The following RAB27A variants were observed in gnomAD, a reference collection of about 807,000 sequenced individuals.
The protein encoded by RAB27A is ras-related protein Rab-27A.
A neutral mutation model predicts 20.8 loss-of-function variants in RAB27A; 17 were observed. The ratio of observed to expected loss-of-function variants is 0.82; its 90% CI spans 0.56 to 1.23. RAB27A has a LOEUF of 1.23. Ranked by LOEUF, RAB27A falls within the 50% of genes most tolerant of loss-of-function variation. RAB27A has a pLI of 0.00. For missense variants in RAB27A, 277 were observed against 266.7 expected, an observed-to-expected ratio of 1.04 and a Z score of -0.27; for synonymous variants, 85 against 92.8, an observed-to-expected ratio of 0.92 and a Z score of 0.48.
intron 1 of RAB27A, among the ~76,000 whole-genome samples, chr15:55,288,251 T>A (rs1339796038): frequency 6.6e-6 from 1 of 152,202 alleles, no homozygotes; most frequent in Admixed American, 6.5e-5. Flanking sequence ...CTCGGTGCAG[T>A]GGCTCAAGCC....
chr15:55,286,521 T>C (rs1898159123), intron 1 of RAB27A, among the ~76,000 whole-genome samples: 1 of 152,078 alleles, frequency 6.6e-6, no homozygotes, highest in Non-Finnish European at 1.5e-5. Flanking sequence ...AAAAATGACT[T>C]TTCACCTGAA....
At chr15:55,263,441 C>A (rs1296159543) in intron 2 of RAB27A, among the ~76,000 whole-genome samples, 1 of 152,062 alleles carries the variant, frequency 6.6e-6, no homozygotes, top group Admixed American at 6.5e-5. Context: ...ATGCTTTAAA[C>A]AGAAATGGTG....
intron 2 of RAB27A, among the ~76,000 whole-genome samples, chr15:55,268,218 T>C (rs945299476): frequency 6.6e-5 from 10 of 152,136 alleles, no homozygotes; most frequent in African/African-American, 2.2e-4. Context: ...ATCAAGGCTC[T>C]TTCCCACAAT....
chr15:55,209,771 CATAT>C (rs1281820099), intron 6 of RAB27A, among the ~76,000 whole-genome samples: 1 of 112,238 alleles, frequency 8.9e-6, no homozygotes, highest in Non-Finnish European at 1.7e-5. Context: ...TGTACATATA[CATAT>C]ATACACACAT....
At chr15:55,235,401 T>A (rs987863308) in intron 2 of RAB27A, among the ~76,000 whole-genome samples, 1 of 151,970 alleles carries the variant, frequency 6.6e-6, no homozygotes, top group African/African-American at 2.4e-5. Context: ...TGAGCCAAGA[T>A]TGCGCCATTG....
chr15:55,302,288 C>T (rs146093787), intron 2 of RAB27A, among the ~76,000 whole-genome samples: 7,768 of 152,146 alleles, frequency 0.051, 270 homozygotes, highest in East Asian at 0.15. Flanking sequence ...TTGGCCGGGC[C>T]GGTCTCCAGC....
intron 2 of RAB27A, among the ~76,000 whole-genome samples, chr15:55,236,164 T>TAA (rs11312412): frequency 6.8e-6 from 1 of 146,212 alleles, no homozygotes; most frequent in Non-Finnish European, 1.5e-5. Flanking sequence ...CCTATGGAAA[T>TAA]AAAAAAAAAA....
chr15:55,253,404 G>T (rs1454076067), intron 2 of RAB27A, among the ~76,000 whole-genome samples: 1 of 151,586 alleles, frequency 6.6e-6, no homozygotes, highest in Admixed American at 6.6e-5. Flanking sequence ...CCAAGATCGT[G>T]CCACCGCACT....
chr15:55,285,402 A>G (rs182833834), intron 1 of RAB27A, among the ~76,000 whole-genome samples: 62 of 152,290 alleles, frequency 4.1e-4, no homozygotes, highest in Non-Finnish European at 7.9e-4. Context: ...TAAATAAAAT[A>G]TGAGTATTAC....
rs541617249 is a variant in RAB27A, at chr15:55,264,838, A to T, written c.-23+5327T>A. On this transcript the variant is annotated intron_variant, in intron 2 of 6. Transcript: ENST00000336787. The stretch of plus-strand genomic sequence containing the variant: ...AGCACATCAATTAAACATCTAACAA[A>T]CAAGAATTGTGGATGTGCCACTATG... Among the ~76,000 whole-genome samples, 148 of 152,312 alleles carry T rather than the reference A, an allele frequency of 9.7e-4. 2 individuals are homozygous for T. The highest frequency in any genetic ancestry group is 3.4e-3 in the African/African-American group (142 of 41,572).
At chr15:55,259,608 A>G (rs1897204073) in intron 2 of RAB27A, among the ~76,000 whole-genome samples, 1 of 152,176 alleles carries the variant, frequency 6.6e-6, no homozygotes, top group South Asian at 2.1e-4. Flanking sequence ...ATCTAAAGCA[A>G]TAAAGATATT....
intron 2 of RAB27A, among the ~76,000 whole-genome samples, chr15:55,308,071 G>C (rs897780436): frequency 6.6e-6 from 1 of 152,070 alleles, no homozygotes; most frequent in Non-Finnish European, 1.5e-5. Context: ...CTGGGGCTTG[G>C]TTTCCCGGAG....
intron 3 of RAB27A, among the ~76,000 whole-genome samples, chr15:55,233,924 G>T (rs1408196133): frequency 6.6e-6 from 1 of 152,050 alleles, no homozygotes; most frequent in East Asian, 1.9e-4. Context: ...TTTCATTAGG[G>T]CCCTACTGTT....
upstream of RAB27A, among the ~76,000 whole-genome samples, chr15:55,291,045 A>T (rs1246661251): frequency 1.3e-5 from 2 of 152,204 alleles, no homozygotes; most frequent in African/African-American, 4.8e-5. Context: ...CACATATAGG[A>T]TGAACCATAT....
intron 2 of RAB27A, among the ~76,000 whole-genome samples, chr15:55,239,288 T>C (rs150016582): frequency 5.9e-5 from 9 of 152,316 alleles, no homozygotes; most frequent in African/African-American, 2.2e-4. Flanking sequence ...CAAAACAGTC[T>C]GAAATGTTTC....
intron 6 of RAB27A, among the ~76,000 whole-genome samples, chr15:55,218,228 G>A (rs1036636522): frequency 2.1e-4 from 32 of 152,064 alleles, no homozygotes; most frequent in African/African-American, 7.0e-4. Context: ...CAGTCTGTTG[G>A]ATGCTAATTG....
chr15:55,287,023 G>A (rs1437347471), intron 1 of RAB27A, among the ~76,000 whole-genome samples: 2 of 144,572 alleles, frequency 1.4e-5, no homozygotes, highest in Non-Finnish European at 3.0e-5. Flanking sequence ...GGGTTCAAGC[G>A]ATTCTCCTGC....
intron 2 of RAB27A, chr15:55,269,871 A>C (rs1897647756): frequency 6.6e-6 from 1 of 152,210 alleles, no homozygotes; most frequent in South Asian, 2.1e-4. Flanking sequence ...TCAATTTCCT[A>C]ATCAGCTCTC....
At chr15:55,239,255 G>A (rs1338832227) in intron 2 of RAB27A, among the ~76,000 whole-genome samples, 1 of 152,070 alleles carries the variant, frequency 6.6e-6, no homozygotes, top group East Asian at 1.9e-4. Context: ...GTTTTTACTG[G>A]TTTAGACCAA....
Sources: allele counts gnomAD v4.1 joint callset (sites outside exome capture counted in the v4.1 genomes callset), GRCh38; gene constraint gnomAD v4.1.1; transcripts MANE v1.5; gene names NCBI Gene and HGNC (gene_info 2026-07-23, HGNC 2026-07-21).